Variants in TBL1X observed in about 807,000 individuals in gnomAD.
TBL1X encodes transducin beta like 1 X-linked.
A neutral mutation model predicts 50.7 loss-of-function variants in TBL1X; 10 were observed. That is an observed-to-expected ratio of 0.20 (90% CI 0.12 to 0.33). The LOEUF is 0.33. Ranked by LOEUF, TBL1X falls within the 10% of genes least tolerant of loss-of-function variation. The probability of loss-of-function intolerance (pLI) is 1.00; values close to 1 mark genes in which losing one functional copy is unlikely to be tolerated. For synonymous variants in TBL1X, 190 were observed against 214.7 expected (o/e 0.88, Z 1.01); for missense variants, 340 against 504.4 (o/e 0.67, Z 3.12).
intron 2 of TBL1X, among the ~76,000 whole-genome samples, chrX:9,598,516 C>T (rs1174398440): frequency 1.8e-5 from 2 of 111,784 alleles, no homozygotes; most frequent in East Asian, 2.8e-4. Context: ...CATCACTTCT[C>T]ACTGCCCAGG....
intron 12 of TBL1X, among the ~76,000 whole-genome samples, chrX:9,700,573 G>A (rs2083163673): frequency 9.0e-6 from 1 of 111,589 alleles, no homozygotes; most frequent in Admixed American, 9.5e-5. Flanking sequence ...TCTTTTTGGT[G>A]TCAATCAGTG....
intron 3 of TBL1X, among the ~76,000 whole-genome samples, chrX:9,652,356 G>A (rs2082840175): frequency 8.9e-6 from 1 of 112,090 alleles, no homozygotes; most frequent in Non-Finnish European, 1.9e-5. Context: ...CTTTGTGGGG[G>A]TAAGGTATGT....
rs565347887 is a variant in TBL1X, at chrX:9,548,357, C to T, written c.-131+46508C>T. ...ACCACCCCATTTTTACTCACCTCTT[C>T]AGTTCATTGCCATTACTTTTTGCCT... On this transcript the variant is annotated intron_variant, in intron 2 of 17. Transcript: ENST00000645353. Among the ~76,000 whole-genome samples the T allele has an allele frequency of 4.5e-5, 5 of 111,947 alleles. No individual in the cohort carries two copies. The South Asian group carries it at 1.9e-3, about 41-fold the overall frequency.
intron 2 of TBL1X, among the ~76,000 whole-genome samples, chrX:9,627,490 A>G (rs193171714): frequency 9.8e-5 from 11 of 112,271 alleles, no homozygotes; most frequent in African/African-American, 3.6e-4. Flanking sequence ...AGAAAATCCA[A>G]AAATTAATTG....
intron 2 of TBL1X, among the ~76,000 whole-genome samples, chrX:9,558,504 C>G (rs1422381742): frequency 2.9e-5 from 3 of 104,778 alleles, no homozygotes; most frequent in Non-Finnish European, 5.8e-5. Flanking sequence ...GCAACAAGAG[C>G]GAAACTCCAT....
chrX:9,554,737 A>G (rs1401584292), intron 2 of TBL1X, among the ~76,000 whole-genome samples: 4 of 112,312 alleles, frequency 3.6e-5, no homozygotes, highest in African/African-American at 3.2e-5. Flanking sequence ...TTTTTAAAAA[A>G]CAGCTTTACT....
chrX:9,528,864 A>G (rs1249741470), intron 2 of TBL1X, among the ~76,000 whole-genome samples: 2 of 109,598 alleles, frequency 1.8e-5, no homozygotes, highest in African/African-American at 6.7e-5. Flanking sequence ...TTGCCCATTC[A>G]CTGGGGCCTG....
chrX:9,709,351 G>A (rs754140950), intron 14 of TBL1X, 29 bp downstream of exon 14: 1 of 1,202,567 alleles, frequency 8.3e-7, no homozygotes, highest in South Asian at 1.8e-5. Flanking sequence ...GGGGTGGGCT[G>A]TTTAATCCTA....
intron 2 of TBL1X, among the ~76,000 whole-genome samples, chrX:9,576,076 T>TA (rs746888092): frequency 8.9e-6 from 1 of 112,341 alleles, no homozygotes; most frequent in East Asian, 2.8e-4. Context: ...GTCTATTTTG[T>TA]AAAGATCTTG....
At chrX:9,555,945 T>C (rs2082295539) in intron 2 of TBL1X, among the ~76,000 whole-genome samples, 2 of 111,315 alleles carry the variant, frequency 1.8e-5, no homozygotes, top group African/African-American at 3.3e-5. Flanking sequence ...CCCAGCACTT[T>C]GGGAGGCTGA....
chrX:9,512,180 C>A (rs1327213105), intron 2 of TBL1X, among the ~76,000 whole-genome samples: 1 of 111,404 alleles, frequency 9.0e-6, no homozygotes, highest in Non-Finnish European at 1.9e-5. Flanking sequence ...CCACGCCTGG[C>A]CTTAACATTG....
intron 5 of TBL1X, among the ~76,000 whole-genome samples, chrX:9,683,281 G>A (rs964611254): frequency 3.6e-5 from 4 of 111,720 alleles, no homozygotes; most frequent in African/African-American, 6.5e-5. Flanking sequence ...TGTGTATTCG[G>A]TCCTGACCCC....
chrX:9,711,526 A>G (rs968505710), intron 15 of TBL1X, 85 bp from the exon 16 acceptor site: 7 of 921,581 alleles, frequency 7.6e-6, no homozygotes, highest in Non-Finnish European at 7.0e-6. Flanking sequence ...GGGAAAAACA[A>G]CTCCTGGAGA....
In TBL1X at chrX:9,533,807, G is replaced by A. The variant is rs202066961; in HGVS notation, c.-131+31958G>A. 3.1e-4 allele frequency among the ~76,000 whole-genome samples: 35 copies of A among 111,661 alleles called. 1 individual carries two copies. Among genetic ancestry groups the A allele is most frequent in the East Asian group, 1.1e-3 (4 of 3,511 alleles). On this transcript the variant is annotated intron_variant, in intron 2 of 17. Transcript: ENST00000645353. ...TGGGTGTGCTGCTCCGGGCTCCTTC[G>A]AAAGGGGAAGCAGCTGGTGGACTTC... is the stretch of plus-strand genomic sequence containing the variant.
rs1569102661 is a variant in TBL1X at position 9,697,438 on chromosome X, T to TG, written c.1114+9_1114+10insG. The TG allele has an allele frequency of 8.3e-7, 1 of 1,207,779 alleles. No individual in the cohort carries two copies. The highest frequency in any genetic ancestry group is 2.2e-5 in the Admixed American group (1 of 45,602). ...GTTTCCTTTTCATTCAGGTGAGTTT[T>TG]TTGTTGTTGTTGTTGTTGTTTGTTT... On this transcript the variant is annotated intron_variant, in intron 12 of 17. Transcript: ENST00000645353.
intron 1 of TBL1X, among the ~76,000 whole-genome samples, chrX:9,492,715 C>A (rs2081950536): frequency 9.0e-6 from 1 of 110,921 alleles, no homozygotes; most frequent in Admixed American, 9.7e-5. Context: ...AGGAATCAAA[C>A]TTCCCTTTCT....
intron 1 of TBL1X, among the ~76,000 whole-genome samples, chrX:9,500,561 A>C (rs1021119651): frequency 8.9e-6 from 1 of 112,068 alleles, no homozygotes; most frequent in Non-Finnish European, 1.9e-5. Flanking sequence ...GCGCCATTGC[A>C]CTCTAGCCTG....
chrX:9,700,800 G>A (rs1165078762), intron 12 of TBL1X, among the ~76,000 whole-genome samples: 1 of 111,636 alleles, frequency 9.0e-6, no homozygotes, highest in Non-Finnish European at 1.9e-5. Context: ...TCAGAGCCTC[G>A]TGGTGGAGTG....
Position 9,620,159 on chromosome X carries a change from C to T in TBL1X, c.-130-20114C>T, listed in dbSNP as rs138513817. Among the ~76,000 whole-genome samples, 714 of 112,157 alleles carry T rather than the reference C, an allele frequency of 6.4e-3. 3 individuals carry two copies. The highest frequency in any genetic ancestry group is 0.011 in the Non-Finnish European group (580 of 53,228). On this transcript the variant is annotated intron_variant, in intron 2 of 17. Transcript: ENST00000645353. Reference sequence around the variant, plus strand: ...ACCGTGTGGCTTCTACTTCTCCATCCACTTTACGGTTGATGTTCATGCTTA... The same window carrying T: ...ACCGTGTGGCTTCTACTTCTCCATCTACTTTACGGTTGATGTTCATGCTTA...
Sources: gnomAD v4.1 joint callset for allele counts (sites outside exome capture counted in the v4.1 genomes callset) on GRCh38, gnomAD v4.1.1 for gene constraint, MANE v1.5 for transcripts, NCBI Gene and HGNC (gene_info 2026-07-23, HGNC 2026-07-21) for gene names.